The following HTT variants were observed in gnomAD, a reference collection of about 807,000 sequenced individuals.
HTT encodes the protein huntington disease protein.
HTT carries 104 observed loss-of-function variants against 362.3 expected under a neutral mutation model. That is an observed-to-expected ratio of 0.29 (90% CI 0.24 to 0.34). The LOEUF is 0.34. Ranked by LOEUF, HTT falls within the 10% of genes least tolerant of loss-of-function variation. The pLI is 1.00. For synonymous variants in HTT, 1,577 were observed against 1,548.7 expected (o/e 1.02, Z -0.43); for missense variants, 3,301 against 3,928.6 (o/e 0.84, Z 4.27).
In HTT at chr4:3,228,100, G is replaced by A. The variant is rs1457241625; in HGVS notation, c.7849-515G>A. Among the ~76,000 whole-genome samples, 1 of 152,210 alleles carries A rather than the reference G, an allele frequency of 6.6e-6. No homozygotes were observed. Among genetic ancestry groups the A allele is most frequent in the Non-Finnish European group, 1.5e-5 (1 of 68,028 alleles). On this transcript the variant is annotated intron_variant, in intron 57 of 66. Transcript: ENST00000355072. This position sits in a 1 kb window ranked among gnomAD's most constrained non-coding sequence, Gnocchi z 4.3. ...TTATGGGCACACAGCCCACAGCACTGTGCCAAGTGCTCGAGGCTTCCCGAG... is the reference window on the plus strand; with the variant it reads ...TTATGGGCACACAGCCCACAGCACTATGCCAAGTGCTCGAGGCTTCCCGAG...
intron 40 of HTT, among the ~76,000 whole-genome samples, chr4:3,193,139 G>T (rs762150169): frequency 2.6e-4 from 40 of 152,356 alleles, no homozygotes; most frequent in East Asian, 9.6e-4. Flanking sequence ...GGGCCCGGCC[G>T]CACGGCGCCA....
chr4:3,234,759 C>T (rs571008502), intron 61 of HTT, among the ~76,000 whole-genome samples: 26 of 152,206 alleles, frequency 1.7e-4, no homozygotes, highest in Non-Finnish European at 2.4e-4. Context: ...TCACTGGGCA[C>T]GTTTTTGTGG....
rs781262712 is a variant in HTT at position 3,136,381 on chromosome 4, C to T, written c.2798+55C>T. The stretch of plus-strand genomic sequence containing the variant: ...TTTTTGGTTGAAGTACTAAAAGATA[C>T]GAGAATGGAAAGAGAGGGAAGAATT... On this transcript the variant is annotated intron_variant, in intron 21 of 66. Transcript: ENST00000355072. 3.4e-5 allele frequency: 30 copies of T among 894,974 alleles called. 1 individual carries two copies. The East Asian group carries it at 4.0e-4, about 12-fold the overall frequency. The allele number at this position is 894,974 out of a possible 1,614,324, so 55.4% of individuals were successfully genotyped here. A position where few individuals can be genotyped will look rare whatever the true frequency, so the allele number is the denominator to read the frequency against.
intron 40 of HTT, among the ~76,000 whole-genome samples, chr4:3,192,316 G>T (rs969328532): frequency 6.6e-6 from 1 of 152,086 alleles, no homozygotes; most frequent in Non-Finnish European, 1.5e-5. Flanking sequence ...AGCTTCAGGC[G>T]ATCCTCCTGC....
In HTT at chr4:3,107,682, G is replaced by T. The variant is rs59247915; in HGVS notation, c.747+259G>T. Among the ~76,000 whole-genome samples, 997 of 152,288 alleles carry T rather than the reference G, an allele frequency of 6.5e-3. 7 individuals carry two copies. The highest frequency in any genetic ancestry group is 0.02 in the Middle Eastern group (6 of 294). On this transcript the variant is annotated intron_variant, in intron 6 of 66. Coordinates refer to ENST00000355072, the MANE Select transcript of HTT (RefSeq NM_001388492.1). Reference sequence around the variant, plus strand: ...ATTGAAAAGGCATTTTTCCAGAGCAGATTTGTTTTCGGCGTACTAGAGTGA... The same window carrying T: ...ATTGAAAAGGCATTTTTCCAGAGCATATTTGTTTTCGGCGTACTAGAGTGA...
intron 51 of HTT, among the ~76,000 whole-genome samples, chr4:3,216,800 C>T (rs1392763130): frequency 1.3e-5 from 2 of 151,916 alleles, no homozygotes; most frequent in East Asian, 1.9e-4. Flanking sequence ...CCGAGGCGGG[C>T]GGATCACGAG....
In HTT at chr4:3,218,005, G is replaced by C; in HGVS notation, c.7242+53G>C. On this transcript the variant is annotated intron_variant, in intron 52 of 66. Transcript: ENST00000355072. The surrounding 1 kb of genome is among the most constrained non-coding windows in gnomAD (Gnocchi z 4.4). ...CCAAGTACGGTGAAAGGCACCGGTA[G>C]GCCCTGGGCTGGGCACACGTGAGAG... is the stretch of plus-strand genomic sequence containing the variant. 2.0e-6 allele frequency: 3 copies of C among 1,483,058 alleles called. No individual in the cohort carries two copies. Among genetic ancestry groups the C allele is most frequent in the Non-Finnish European group, 2.7e-6 (3 of 1,094,394 alleles). The allele number at this position is 1,483,058 out of a possible 1,614,324, so 91.9% of individuals were successfully genotyped here.
At chr4:3,114,459 A>G (rs888301180) in intron 6 of HTT, among the ~76,000 whole-genome samples, 7 of 152,378 alleles carry the variant, frequency 4.6e-5, no homozygotes, top group Middle Eastern at 3.4e-3. Flanking sequence ...GAAACAGACT[A>G]TGCTAACCAC....
rs772517171 is a variant in HTT, at chr4:3,074,930, GCAGCAA to G, written c.110_115del (p.Gln37_Gln38del). On this transcript the variant is annotated inframe_deletion, in exon 1 of 67. Coordinates refer to ENST00000355072, the MANE Select transcript of HTT (RefSeq NM_001388492.1). ...AGCAGCAGCAGCAGCAGCAGCAGCA[GCAGCAA>G]CAGCCGCCACCGCCGCCGCCGCCGC... 1.6e-5 allele frequency: 21 copies of G among 1,302,658 alleles called. No individual in the cohort carries two copies. The East Asian group carries it at 3.5e-4, about 22-fold the overall frequency. 80.7% of individuals were successfully genotyped at this position (1,302,658 alleles called of 1,614,324 possible).
At position 3,206,312 on chromosome 4, in the gene HTT, C is replaced by T. The variant is rs1027423446; in HGVS notation, c.5719-184C>T. ...TGCCGCAGTGCGTGGTTGGAGGTGA[C>T]GGCCTTGGTAAATCGAGTTTCCTAC... On this transcript the variant is annotated intron_variant, in intron 42 of 66. Coordinates refer to ENST00000355072, the MANE Select transcript of HTT (RefSeq NM_001388492.1). This position sits in a 1 kb window ranked among gnomAD's most constrained non-coding sequence, Gnocchi z 4.6. 6.6e-6 allele frequency among the ~76,000 whole-genome samples: 1 copy of T among 152,240 alleles called. No homozygotes were observed. Among genetic ancestry groups the T allele is most frequent in the Admixed American group, 6.5e-5 (1 of 15,290 alleles).
At chr4:3,126,074 CACCCAGTGCAGAT>C (rs1475718289) in intron 11 of HTT, among the ~76,000 whole-genome samples, 1 of 152,154 alleles carries the variant, frequency 6.6e-6, no homozygotes, top group Non-Finnish European at 1.5e-5. Context: ...CTCACACTGT[CACCCAGTGCAGAT>C]ACCCAGTGTC....
intron 60 of HTT, among the ~76,000 whole-genome samples, 177 bp downstream of exon 60, chr4:3,230,219 C>T (rs1018072708): frequency 2.0e-5 from 3 of 152,208 alleles, no homozygotes; most frequent in Non-Finnish European, 4.4e-5. Flanking sequence ...GGTTCAGCGA[C>T]GGTCAGTGCC....
At chr4:3,202,778 G>A (rs1376869193) in intron 41 of HTT, among the ~76,000 whole-genome samples, 1 of 152,186 alleles carries the variant, frequency 6.6e-6, no homozygotes, top group Non-Finnish European at 1.5e-5. Context: ...TTGAGAGGCT[G>A]AAGTGGGAGG....
At position 3,239,909 on chromosome 4, in the gene HTT, G is replaced by A; in HGVS notation, c.9279G>A (p.Leu3093=). 1 of 1,574,846 alleles carries A rather than the reference G, an allele frequency of 6.3e-7. No homozygotes were observed. Among genetic ancestry groups the A allele is most frequent in the Non-Finnish European group, 8.6e-7 (1 of 1,159,108 alleles). The change falls in exon 67 of 67, where the codon CTG becomes CTA. Residue 3093 remains leucine (L), a synonymous_variant. Transcript: ENST00000355072. ...AGGTGGACGTGAACCTTTTCTGCCTGGTCGCCACAGACTTCTACAGACACC... is the reference window on the plus strand; with the variant it reads ...AGGTGGACGTGAACCTTTTCTGCCTAGTCGCCACAGACTTCTACAGACACC... ...LEQVDVNLFC[L]VATDFYRHQI... is the part of the protein sequence containing the mutation.
At chr4:3,148,673 C>G (rs902006378) in intron 26 of HTT, among the ~76,000 whole-genome samples, 1 of 152,356 alleles carries the variant, frequency 6.6e-6, no homozygotes, top group Admixed American at 6.5e-5. Context: ...TGGCGGGCGC[C>G]TGTAGTCCCA....
rs113487688 is a variant in HTT, at chr4:3,089,824, A to G, written c.347+2802A>G. On this transcript the variant is annotated intron_variant, in intron 2 of 66. Transcript: ENST00000355072. ...CATCTTAAGATTGATTTGTGGTTCT[A>G]TATGCCATATTAAATCAAAATAATA... 1.9e-3 allele frequency among the ~76,000 whole-genome samples: 285 copies of G among 152,364 alleles called. 1 individual carries two copies. The highest frequency in any genetic ancestry group is 6.5e-3 in the African/African-American group (269 of 41,588).
rs772241091 is a variant in HTT, at chr4:3,136,254, A to G, written c.2726A>G (p.Asn909Ser). ...GLLKLQERVL[N>S]NVVIHLLGDE... ...TTAAAACTGCAAGAACGAGTGCTCA[A>G]TAATGTTGTCATCCATTTGCTTGGA... The change falls in exon 21 of 67, where the codon AAT becomes AGT. Residue 909 changes from asparagine (N) to serine (S), a missense_variant. Coordinates refer to ENST00000355072, the MANE Select transcript of HTT (RefSeq NM_001388492.1). The G allele has an allele frequency of 2.5e-6, 4 of 1,611,918 alleles. No individual in the cohort carries two copies. The highest frequency in any genetic ancestry group is 4.5e-5 in the East Asian group (2 of 44,882).
At chr4:3,075,648 A>AGGGGGGGGGGGGGGG (rs368641776) in intron 1 of HTT, among the ~76,000 whole-genome samples, 4 of 54,360 alleles carry the variant, frequency 7.4e-5, no homozygotes, top group Admixed American at 2.1e-4. Flanking sequence ...GTGGCGGGGC[A>AGGGGGGGGGGGGGGG]GGGGGGGGGC....
intron 37 of HTT, among the ~76,000 whole-genome samples, chr4:3,185,292 G>A (rs767702262): frequency 1.3e-5 from 2 of 152,200 alleles, no homozygotes; most frequent in African/African-American, 2.4e-5. Flanking sequence ...ACATGGGTTA[G>A]GATTGGCTGC....
Sources: gnomAD v4.1 joint callset for allele counts (sites outside exome capture counted in the v4.1 genomes callset) on GRCh38, gnomAD v4.1.1 for gene constraint, Gnocchi (gnomAD v3.1) non-coding constraint, MANE v1.5 for transcripts, NCBI Gene and HGNC (gene_info 2026-07-23, HGNC 2026-07-21) for gene names.